The following MARF1 variants were observed in gnomAD, a reference collection of about 807,000 sequenced individuals.
MARF1 encodes limkain-b1.
MARF1 carries 24 observed loss-of-function variants against 168.2 expected under a neutral mutation model. The observed-to-expected ratio is 0.14, with a 90% CI of 0.10 to 0.20. The LOEUF (loss-of-function observed/expected upper bound fraction) is 0.20, where lower values mean the gene tolerates loss of function less well. Among genes scored for constraint, MARF1 ranks in the 10% least tolerant of loss-of-function variants. MARF1 has a pLI of 1.00. For synonymous variants in MARF1, 868 were observed against 822.4 expected (o/e 1.06, Z -0.95); for missense variants, 1,744 against 2,143.6 (o/e 0.81, Z 3.68).
chr16:15,624,915 G>T lies in MARF1; in HGVS notation c.2124C>A (p.Leu708=). The T allele has an allele frequency of 6.2e-7, 1 of 1,614,044 alleles. No homozygotes were observed. ...GAGAACTGGTAACACTTCGGGCACT[G>T]AGGTTCTCCTTTCTAACAGAAGGGG... ...VYKTSQKKEN[L]SARSVTSSPV... The change falls in exon 10 of 27, where the codon CTC becomes CTA. Residue 708 remains leucine, a synonymous_variant. Transcript: ENST00000396368.
chr16:15,633,724 T>C lies in MARF1; in HGVS notation c.1126A>G (p.Arg376Gly). 1.2e-6 allele frequency: 2 copies of C among 1,614,204 alleles called. No individual in the cohort carries two copies. Among genetic ancestry groups the C allele is most frequent in the Non-Finnish European group, 8.5e-7 (1 of 1,180,034 alleles). The change falls in exon 5 of 27, where the codon AGA (arginine) becomes GGA (glycine). Residue 376 changes from arginine (R) to glycine (G), a missense_variant. By Grantham distance (125) the Arg-to-Gly change is moderately radical. Around this residue, in one of 7 missense-constraint regions of MARF1, gnomAD observed 217 missense variants for 372.4 expected, o/e 0.58. Transcript: ENST00000396368. ...SGRSATAVVQRIREKFFKGHR... is the reference protein window; with the variant it reads ...SGRSATAVVQGIREKFFKGHR... Reference sequence around the variant, plus strand: ...CCTTTAAAAAACTTCTCACGGATTCTTTGCACAACAGCAGTTGCTGACCGG... The same window carrying C: ...CCTTTAAAAAACTTCTCACGGATTCCTTGCACAACAGCAGTTGCTGACCGG...
intron 11 of MARF1, 58 bp from the exon 12 acceptor site, chr16:15,621,969 A>G: frequency 6.6e-7 from 1 of 1,517,438 alleles, no homozygotes; most frequent in Non-Finnish European, 9.0e-7. Context: ...TGTCGTCTTA[A>G]AACTGAAGGT....
At chr16:15,597,038 T>C in intron 26 of MARF1, 101 bp from the exon 27 acceptor site, 2 of 1,334,766 alleles carry the variant, frequency 1.5e-6, no homozygotes, top group Non-Finnish European at 2.0e-6. Flanking sequence ...ATAATAGTAA[T>C]AAAAAGCTTC....
In MARF1 at chr16:15,596,828, C is replaced by T. The variant is rs1329980284; in HGVS notation, c.5094G>A (p.Val1698=). 2 of 1,614,094 alleles carry T rather than the reference C, an allele frequency of 1.2e-6. No homozygotes were observed. Among genetic ancestry groups the T allele is most frequent in the Non-Finnish European group, 8.5e-7 (1 of 1,180,018 alleles). The part of the protein sequence containing the change: ...SSSCISAAVP[V]PPCPSSETSE... ...AGGTTTCCGAGGAGGGGCAGGGAGG[C>T]ACGGGGACAGCTGCTGAGATGCAGG... The change falls in exon 27 of 27, where the codon GTG becomes GTA. Residue 1698 remains valine, a synonymous_variant. Transcript: ENST00000396368.
chr16:15,621,904 C>T lies in MARF1; in HGVS notation c.2468G>A (p.Ser823Asn). Residue 823 changes from serine (S) to asparagine (N), a missense_variant, in exon 12 of 27, where the codon AGT (serine) becomes AAT (asparagine). Coordinates refer to ENST00000396368, the MANE Select transcript of MARF1 (RefSeq NM_014647.4). ...EAFARHGKVK[S>N]VELSPHTDYQ... ...ATCTGTATGGGGGCTGAGCTCAACA[C>T]TCTTCACCTACAACAGGAAAAGCGA... The T allele has an allele frequency of 6.2e-7, 1 of 1,613,184 alleles. No individual in the cohort carries two copies. Among genetic ancestry groups the T allele is most frequent in the Non-Finnish European group, 8.5e-7 (1 of 1,179,766 alleles).
rs1273591923 is a variant in MARF1 at position 15,617,145 on chromosome 16, T to C, written c.2984A>G (p.Tyr995Cys). 3 of 1,614,126 alleles carry C rather than the reference T, an allele frequency of 1.9e-6. No homozygotes were observed. Among genetic ancestry groups the C allele is most frequent in the Admixed American group, 3.3e-5 (2 of 60,000 alleles). The change falls in exon 15 of 27, where the codon TAC becomes TGC. Residue 995 changes from tyrosine (Y) to cysteine (C), a missense_variant. By Grantham distance (194) the Tyr-to-Cys change is radical. Around this residue, in one of 7 missense-constraint regions of MARF1, gnomAD observed 543 missense variants for 742.1 expected, o/e 0.73. Coordinates refer to ENST00000396368, the MANE Select transcript of MARF1 (RefSeq NM_014647.4). ...FSEHEFDPDS[Y>C]KIPFVILSLK... is the part of the protein sequence containing the mutation. ...AGAAAGAATCACAAAAGGAATCTTG[T>C]AAGAGTCTGGATCAAATTCATGTTC...
intron 26 of MARF1, 101 bp downstream of exon 26, chr16:15,598,747 AAAAGGG>A: frequency 5.4e-6 from 6 of 1,108,982 alleles, no homozygotes; most frequent in Non-Finnish European, 6.6e-6. Context: ...TTTCCACCTG[AAAAGGG>A]GTAGTCCCTT....
intron 5 of MARF1, among the ~76,000 whole-genome samples, chr16:15,633,240 T>C (rs1006291554): frequency 6.7e-6 from 1 of 149,790 alleles, no homozygotes; most frequent in Non-Finnish European, 1.5e-5. Context: ...GCAAGAGGAC[T>C]GCTTGATCCC....
At position 15,631,333 on chromosome 16, in the gene MARF1, T is replaced by A. The variant is rs373320229; in HGVS notation, c.1351+48A>T. 1.5e-5 allele frequency: 19 copies of A among 1,300,226 alleles called. No individual in the cohort carries two copies. In the African/African-American group the frequency reaches 2.8e-4, roughly 19 times the overall value. 80.5% of individuals were successfully genotyped at this position (1,300,226 alleles called of 1,614,324 possible). ...CATGTTGCTGGCTTCTATGATAATT[T>A]CCCACACAGTGAGTTTAGCTGAAAT... is the stretch of plus-strand genomic sequence containing the variant. On this transcript the variant is annotated intron_variant, in intron 6 of 26. Transcript: ENST00000396368.
rs1357297140 is a variant in MARF1 at position 15,609,692 on chromosome 16, T to C, written c.3785A>G (p.Gln1262Arg). The stretch of plus-strand genomic sequence containing the variant: ...CAAATCAACGACATCCTTGGAGAAC[T>C]GTTTTGTCCTTTCTATTTCATCCTG... ...RTQDEIERTK[Q>R]FSKDVVDLLR... Residue 1262 changes from glutamine to arginine, a missense_variant, in exon 20 of 27, where the codon CAG becomes CGG. Coordinates refer to ENST00000396368, the MANE Select transcript of MARF1 (RefSeq NM_014647.4). 3 of 1,614,182 alleles carry C rather than the reference T, an allele frequency of 1.9e-6. No homozygotes were observed. Among genetic ancestry groups the C allele is most frequent in the East Asian group, 2.2e-5 (1 of 44,878 alleles).
intron 13 of MARF1, among the ~76,000 whole-genome samples, chr16:15,618,921 T>G (rs1167554131): frequency 6.6e-6 from 1 of 152,224 alleles, no homozygotes; most frequent in Non-Finnish European, 1.5e-5. Context: ...ATCCCAGTCA[T>G]GCAAGGCAAA....
At chr16:15,640,366 T>C (rs1402868402) in intron 1 of MARF1, among the ~76,000 whole-genome samples, 4 of 152,210 alleles carry the variant, frequency 2.6e-5, no homozygotes, top group Admixed American at 2.0e-4. Flanking sequence ...AAGTCGCAGA[T>C]GTGTTATATC....
Position 15,621,848 on chromosome 16 carries a change from T to C in MARF1, c.2524A>G (p.Asn842Asp), listed in dbSNP as rs1286455657. ...YQLKAVVQME[N>D]LQDAIGAVNS... ...ACTGCACCGATCGCATCTTGTAAGT[T>C]TTCCATTTGCACAACAGCCTTGAGT... Residue 842 changes from asparagine to aspartate, a missense_variant, in exon 12 of 27, where the codon AAC becomes GAC. Asn to Asp is a conservative substitution (Grantham distance 23). This residue lies in a region of MARF1 where 543 missense variants were observed against 742.1 expected (regional missense o/e 0.73). Transcript: ENST00000396368. 1 of 1,614,038 alleles carries C rather than the reference T, an allele frequency of 6.2e-7. No individual in the cohort carries two copies. The highest frequency in any genetic ancestry group is 1.3e-5 in the African/African-American group (1 of 74,910).
chr16:15,620,936 G>A (rs184294975), intron 12 of MARF1, among the ~76,000 whole-genome samples: 71 of 152,192 alleles, frequency 4.7e-4, no homozygotes, highest in South Asian at 1.9e-3. Context: ...ACCAAAAAAC[G>A]CTCAAAGGGA....
chr16:15,597,316 T>C (rs981385454), intron 26 of MARF1, among the ~76,000 whole-genome samples: 14 of 152,152 alleles, frequency 9.2e-5, no homozygotes, highest in African/African-American at 3.1e-4. Context: ...CGGGAGGCCG[T>C]GGGTGGTAGG....
intron 7 of MARF1, among the ~76,000 whole-genome samples, chr16:15,626,793 C>G (rs764128006): frequency 1.3e-5 from 2 of 151,418 alleles, no homozygotes; most frequent in Non-Finnish European, 2.9e-5. Context: ...AACCCCATCT[C>G]TACTAAAAAT....
intron 10 of MARF1, 108 bp from the exon 11 acceptor site, chr16:15,623,231 A>G: frequency 3.0e-6 from 2 of 662,516 alleles, no homozygotes; most frequent in Non-Finnish European, 4.4e-6. Context: ...ATTTTCCACA[A>G]CACAACCAAA....
Position 15,624,807 on chromosome 16 carries a change from T to C in MARF1, c.2232A>G (p.Gln744=). The change falls in exon 10 of 27, where the codon CAA becomes CAG. Residue 744 remains glutamine (Q), a synonymous_variant. Coordinates refer to ENST00000396368, the MANE Select transcript of MARF1 (RefSeq NM_014647.4). ...SAFSKLVASR[Q]VSPLLASQSW... ...ACTGAGATGCGAGCAGAGGACTGAC[T>C]TGCCTGGATGCAACTAACTTGCTAA... 6.2e-7 allele frequency: 1 copy of C among 1,614,224 alleles called. No individual in the cohort carries two copies. The highest frequency in any genetic ancestry group is 8.5e-7 in the Non-Finnish European group (1 of 1,180,016).
intron 23 of MARF1, 151 bp from the exon 24 acceptor site, chr16:15,600,852 T>C: frequency 1.2e-6 from 1 of 815,636 alleles, no homozygotes; most frequent in African/African-American, 1.7e-5. Context: ...ACTCTCTCCT[T>C]AGCTTTTAAA....
Sources: gnomAD v4.1 joint callset for allele counts (sites outside exome capture counted in the v4.1 genomes callset) on GRCh38, gnomAD v4.1.1 for gene constraint, gnomAD v4.1.1 regional missense constraint, MANE v1.5 for transcripts, NCBI Gene and HGNC (gene_info 2026-07-23, HGNC 2026-07-21) for gene names.